The following GALNT13 variants were observed in gnomAD, a reference collection of about 807,000 sequenced individuals.
GALNT13 encodes the protein polypeptide N-acetylgalactosaminyltransferase 13.
A neutral mutation model predicts 64.2 loss-of-function variants in GALNT13; 28 were observed. That is an observed-to-expected ratio of 0.44 (90% CI 0.32 to 0.60). The LOEUF (loss-of-function observed/expected upper bound fraction) is 0.60. GALNT13 is among the 20% of genes least tolerant of loss of function. The probability of loss-of-function intolerance (pLI) is 0.05; values close to 1 mark genes in which losing one functional copy is unlikely to be tolerated. For synonymous variants in GALNT13, 214 were observed against 224.6 expected (o/e 0.95, Z 0.42); for missense variants, 577 against 669.8 (o/e 0.86, Z 1.53).
chr2:153,617,587 G>A, the GALNT13 span, among the ~76,000 whole-genome samples: 1 of 151,882 alleles, frequency 6.6e-6, no homozygotes, highest in Non-Finnish European at 1.5e-5. Context: ...CAGTTTGGAA[G>A]TATTCCCTCC....
At chr2:153,651,102 G>C in the GALNT13 span, among the ~76,000 whole-genome samples, 76,230 of 151,898 alleles carry the variant, frequency 0.5, 19,517 homozygotes, top group Middle Eastern at 0.64. Flanking sequence ...ATTAACAATA[G>C]TGCATTGTAC....
intron 3 of GALNT13, among the ~76,000 whole-genome samples, chr2:154,050,222 A>G (rs1301243069): frequency 2.0e-5 from 3 of 152,196 alleles, no homozygotes; most frequent in Non-Finnish European, 4.4e-5. Flanking sequence ...TTAAAATTTC[A>G]TAATAGTGAG....
chr2:153,746,634 C>T, the GALNT13 span, among the ~76,000 whole-genome samples: 2 of 152,034 alleles, frequency 1.3e-5, no homozygotes, highest in Non-Finnish European at 2.9e-5. Flanking sequence ...TCGTGTATTT[C>T]TGGTGGGTGC....
intron 11 of GALNT13, among the ~76,000 whole-genome samples, chr2:154,419,948 T>C (rs948878973): frequency 6.6e-6 from 1 of 152,140 alleles, no homozygotes; most frequent in South Asian, 2.1e-4. Flanking sequence ...GAGATTAATA[T>C]TACATTTCTA....
intron 4 of GALNT13, among the ~76,000 whole-genome samples, chr2:154,168,067 G>A (rs1057296912): frequency 5.3e-5 from 8 of 152,194 alleles, no homozygotes; most frequent in Admixed American, 5.2e-4. Context: ...TCCAAGTGGG[G>A]TGGGTATGTT....
At chr2:153,087,646 C>T in the GALNT13 span, among the ~76,000 whole-genome samples, 6 of 151,956 alleles carry the variant, frequency 3.9e-5, no homozygotes, top group Non-Finnish European at 8.8e-5. Flanking sequence ...ATTGCCATTT[C>T]AATTCATCCT....
intron 9 of GALNT13, among the ~76,000 whole-genome samples, chr2:154,353,282 TA>T (rs1454228846): frequency 6.6e-6 from 1 of 152,136 alleles, no homozygotes; most frequent in Non-Finnish European, 1.5e-5. Flanking sequence ...GTTACAACTT[TA>T]AAAAAATTAT....
At chr2:153,638,630 T>A in the GALNT13 span, among the ~76,000 whole-genome samples, 3 of 20,928 alleles carry the variant, frequency 1.4e-4, 1 homozygote, top group African/African-American at 3.1e-4. Flanking sequence ...GAAGAGCTTC[T>A]CCATAGCAAC....
chr2:154,287,127 T>G lies in GALNT13; in HGVS notation c.976-14282T>G. 3 of 1,287,752 alleles carry G rather than the reference T, an allele frequency of 2.3e-6. No individual in the cohort carries two copies. The East Asian group carries it at 7.0e-5, about 30-fold the overall frequency. The allele number at this position is 1,287,752 out of a possible 1,614,324, so 79.8% of individuals were successfully genotyped here. ...TTGGATGGCATGTCCTTGACACATC[T>G]GACCTTTGAGAAGGAGTTCACAGAA... On this transcript the variant is annotated intron_variant, in intron 8 of 12. Coordinates refer to ENST00000392825, the MANE Select transcript of GALNT13 (RefSeq NM_052917.4).
chr2:154,145,048 T>TTCTCTC (rs3075862), intron 4 of GALNT13, among the ~76,000 whole-genome samples: 18,856 of 103,186 alleles, frequency 0.18, 2,239 homozygotes, highest in Non-Finnish European at 0.28. Context: ...ATTTATGTAG[T>TTCTCTC]TCTCTCTCTC....
In GALNT13 at chr2:154,431,480, T is replaced by C. The variant is rs529698452; in HGVS notation, c.1396-7112T>C. On this transcript the variant is annotated intron_variant, in intron 11 of 12. Coordinates refer to ENST00000392825, the MANE Select transcript of GALNT13 (RefSeq NM_052917.4). The stretch of plus-strand genomic sequence containing the variant: ...ACACCTAGTCTTTCATTATATAAAA[T>C]TAATTTAACAGAATATTTTAGATCC... Among the ~76,000 whole-genome samples the C allele has an allele frequency of 7.9e-5, 12 of 152,302 alleles. No individual in the cohort carries two copies. In the South Asian group the frequency reaches 2.5e-3, roughly 32 times the overall value.
intron 2 of GALNT13, among the ~76,000 whole-genome samples, chr2:153,905,236 G>GTAATAA (rs1688480748): frequency 6.6e-6 from 1 of 151,892 alleles, no homozygotes; most frequent in Non-Finnish European, 1.5e-5. Flanking sequence ...AAGAGCTGGT[G>GTAATAA]TAATTACAAT....
intron 4 of GALNT13, among the ~76,000 whole-genome samples, chr2:154,148,810 G>A (rs2105610697): frequency 6.6e-6 from 1 of 152,248 alleles, no homozygotes; most frequent in African/African-American, 2.4e-5. Context: ...TGAGTTCATT[G>A]TAGATTGTGG....
At chr2:153,626,707 A>G in the GALNT13 span, among the ~76,000 whole-genome samples, 1 of 152,134 alleles carries the variant, frequency 6.6e-6, no homozygotes, top group African/African-American at 2.4e-5. Context: ...ACTGTCTGCA[A>G]GCCAGTTTCA....
intron 4 of GALNT13, among the ~76,000 whole-genome samples, 163 bp from the exon 5 acceptor site, chr2:154,241,867 A>T (rs1294701798): frequency 2.0e-5 from 3 of 152,226 alleles, no homozygotes; most frequent in African/African-American, 7.2e-5. Flanking sequence ...CCAACTGATT[A>T]CTCACAGCAG....
intron 4 of GALNT13, among the ~76,000 whole-genome samples, chr2:154,176,286 TATTTATGG>T (rs1204172029): frequency 6.8e-6 from 1 of 146,044 alleles, no homozygotes; most frequent in Non-Finnish European, 1.5e-5. Flanking sequence ...TTTATTTATT[TATTTATGG>T]GATGGAGTCT....
chr2:154,414,679 T>C (rs1559142022), intron 11 of GALNT13, among the ~76,000 whole-genome samples: 1 of 151,992 alleles, frequency 6.6e-6, no homozygotes, highest in African/African-American at 2.4e-5. Flanking sequence ...TATGTTTCCA[T>C]TGGGGGTTGA....
chr2:153,714,235 T>A, the GALNT13 span, among the ~76,000 whole-genome samples: 1 of 152,184 alleles, frequency 6.6e-6, no homozygotes, highest in South Asian at 2.1e-4. Context: ...ATTACCATAA[T>A]CATCATTGCT....
In GALNT13 at chr2:153,872,625, G is replaced by C. The variant is rs954510941; in HGVS notation, c.-177+322G>C. On this transcript the variant is annotated intron_variant, in intron 1 of 12. Coordinates refer to ENST00000392825, the MANE Select transcript of GALNT13 (RefSeq NM_052917.4). ...CCCGGTGAGTTGTTGGTGGCGGGGG[G>C]GGGGGGGGGAGCGGCTCTGGCCCCC... Among the ~76,000 whole-genome samples the C allele has an allele frequency of 9.0e-5, 9 of 99,862 alleles. 2 individuals carry two copies. The highest frequency in any genetic ancestry group is 3.1e-4 in the African/African-American group (9 of 28,600). The allele number at this position is 99,862 out of a possible 152,430, so 65.5% of individuals were successfully genotyped here. A position where few individuals can be genotyped will look rare whatever the true frequency, so the allele number is the denominator to read the frequency against.
Sources: allele counts gnomAD v4.1 joint callset (sites outside exome capture counted in the v4.1 genomes callset), GRCh38; gene constraint gnomAD v4.1.1; transcripts MANE v1.5; gene names NCBI Gene and HGNC (gene_info 2026-07-23, HGNC 2026-07-21).